Variants in CLNK observed in about 807,000 individuals in gnomAD.
The protein encoded by CLNK is cytokine-dependent hematopoietic cell linker.
A neutral mutation model predicts 68.6 loss-of-function variants in CLNK; 74 were observed. That is an observed-to-expected ratio of 1.08 (90% CI 0.89 to 1.31). The LOEUF is 1.31. CLNK is among the 50% of genes most tolerant of loss of function. The pLI is 0.00. For synonymous variants in CLNK, 198 were observed against 172.2 expected (o/e 1.15, Z -1.17); for missense variants, 553 against 515.3 (o/e 1.07, Z -0.71).
intron 2 of CLNK, among the ~76,000 whole-genome samples, chr4:10,659,270 T>G (rs1283316109): frequency 6.6e-6 from 1 of 152,336 alleles, no homozygotes; most frequent in African/African-American, 2.4e-5. Flanking sequence ...TGCAGCAACC[T>G]GATTCAATTG....
At chr4:10,535,567 A>T (rs1718728275) in intron 11 of CLNK, among the ~76,000 whole-genome samples, 1 of 152,196 alleles carries the variant, frequency 6.6e-6, no homozygotes, top group South Asian at 2.1e-4. Flanking sequence ...ACTCAGGATG[A>T]TTTTATTTGG....
chr4:10,725,705 A>T, the CLNK span, among the ~76,000 whole-genome samples: 1 of 152,000 alleles, frequency 6.6e-6, no homozygotes, highest in African/African-American at 2.4e-5. Context: ...AGTACAAAAA[A>T]TTAGCCGGGC....
rs141723305 is a variant in CLNK, at chr4:10,654,072, T to C, written c.11+13787A>G. Among the ~76,000 whole-genome samples, 4 of 144,434 alleles carry C rather than the reference T, an allele frequency of 2.8e-5. No individual in the cohort carries two copies. In the East Asian group the frequency reaches 1.1e-3, roughly 41 times the overall value. 94.8% of individuals were successfully genotyped at this position (144,434 alleles called of 152,430 possible). A position where few individuals can be genotyped will look rare whatever the true frequency, so the allele number is the denominator to read the frequency against. On this transcript the variant is annotated intron_variant, in intron 2 of 18. Transcript: ENST00000226951. The stretch of plus-strand genomic sequence containing the variant: ...ATAGTCTCTTGTCCAGAATGGAAAA[T>C]TGGGAAATACACTGCAACTCATTTG...
In CLNK at chr4:10,537,678, T is replaced by TCTTC. The variant is rs1179342694; in HGVS notation, c.602+2812_602+2815dup. The stretch of plus-strand genomic sequence containing the variant: ...TTCTTTCTTTCTTTCTTTCTTTCTT[T>TCTTC]CTTCCTTCCTTCCTTCCTTCCTTCC... On this transcript the variant is annotated intron_variant, in intron 11 of 18. Coordinates refer to ENST00000226951, the MANE Select transcript of CLNK (RefSeq NM_052964.4). Among the ~76,000 whole-genome samples the TCTTC allele has an allele frequency of 3.6e-3, 137 of 38,512 alleles. 4 individuals carry two copies. The highest frequency in any genetic ancestry group is 7.5e-3 in the East Asian group (9 of 1,196). The allele number at this position is 38,512 out of a possible 152,430, so 25.3% of individuals were successfully genotyped here. A position where few individuals can be genotyped will look rare whatever the true frequency, so the allele number is the denominator to read the frequency against.
At chr4:10,574,309 T>C (rs1720467983) in intron 4 of CLNK, among the ~76,000 whole-genome samples, 1 of 152,172 alleles carries the variant, frequency 6.6e-6, no homozygotes. Flanking sequence ...CAGGCTACCT[T>C]GAACTCTCTT....
At chr4:10,591,442 T>C (rs951652858) in intron 3 of CLNK, among the ~76,000 whole-genome samples, 2 of 152,198 alleles carry the variant, frequency 1.3e-5, no homozygotes, top group East Asian at 1.9e-4. Flanking sequence ...AGCTCCTAAA[T>C]GGGAGGTCTG....
chr4:10,543,963 G>T (rs189575817), intron 8 of CLNK, among the ~76,000 whole-genome samples: 2 of 152,238 alleles, frequency 1.3e-5, no homozygotes, highest in Admixed American at 1.3e-4. Flanking sequence ...TCACAAAAAA[G>T]CTTAGGCCAC....
intron 1 of CLNK, among the ~76,000 whole-genome samples, chr4:10,669,969 G>A (rs1724565401): frequency 6.6e-6 from 1 of 152,182 alleles, no homozygotes; most frequent in Non-Finnish European, 1.5e-5. Context: ...AATACTGGAA[G>A]GGTCCTGGAC....
Position 10,501,352 on chromosome 4 carries a change from C to T in CLNK, c.1044G>A (p.Leu348=), listed in dbSNP as rs1317134906. 1 of 1,609,772 alleles carries T rather than the reference C, an allele frequency of 6.2e-7. No homozygotes were observed. The highest frequency in any genetic ancestry group is 1.7e-5 in the Admixed American group (1 of 58,472). The change falls in exon 18 of 19, where the codon TTG becomes TTA. Residue 348 remains leucine, a synonymous_variant. Transcript: ENST00000226951. ...STKSKEEPYV[L]AVFYENKVYN... Reference sequence around the variant, plus strand: ...AGACTTTGTTCTCATAAAACACAGCCAAAACATAGGGCTCTTCCTTGGATT... The same window carrying T: ...AGACTTTGTTCTCATAAAACACAGCTAAAACATAGGGCTCTTCCTTGGATT...
chr4:10,536,844 G>T (rs1271648119), intron 11 of CLNK, among the ~76,000 whole-genome samples: 1 of 152,114 alleles, frequency 6.6e-6, no homozygotes, highest in Non-Finnish European at 1.5e-5. Flanking sequence ...TTCTAAAGAT[G>T]TCAACACCAC....
At chr4:10,537,008 G>A (rs1407669308) in intron 11 of CLNK, among the ~76,000 whole-genome samples, 1 of 152,154 alleles carries the variant, frequency 6.6e-6, no homozygotes, top group Non-Finnish European at 1.5e-5. Flanking sequence ...CTCGAACTTG[G>A]TTCCCTCTGG....
At chr4:10,699,659 C>T in the CLNK span, among the ~76,000 whole-genome samples, 2 of 150,952 alleles carry the variant, frequency 1.3e-5, no homozygotes, top group Non-Finnish European at 3.0e-5. Flanking sequence ...ATTACAGCTG[C>T]CTGCCACCAC....
intron 5 of CLNK, among the ~76,000 whole-genome samples, chr4:10,567,347 T>C (rs756675391): frequency 1.6e-4 from 24 of 152,188 alleles, no homozygotes; most frequent in Non-Finnish European, 3.2e-4. Flanking sequence ...GAAAGAATAG[T>C]CTTTCAACAG....
intron 2 of CLNK, among the ~76,000 whole-genome samples, chr4:10,607,286 G>C (rs888789412): frequency 1.3e-5 from 2 of 152,202 alleles, no homozygotes; most frequent in African/African-American, 4.8e-5. Flanking sequence ...TTGCCCCACT[G>C]TGGCATGCTC....
intron 4 of CLNK, among the ~76,000 whole-genome samples, chr4:10,578,162 C>T (rs964202550): frequency 6.6e-6 from 1 of 152,172 alleles, no homozygotes; most frequent in South Asian, 2.1e-4. Flanking sequence ...TGGCTCAGTG[C>T]CCAGTAACAA....
At chr4:10,700,785 G>A in the CLNK span, among the ~76,000 whole-genome samples, 6 of 151,374 alleles carry the variant, frequency 4.0e-5, no homozygotes, top group Admixed American at 6.6e-5. Context: ...TACAATGAAA[G>A]AAACATGGTT....
chr4:10,540,665 C>T, intron 10 of CLNK, 61 bp from the exon 11 acceptor site: 1 of 1,141,140 alleles, frequency 8.8e-7, no homozygotes, highest in Non-Finnish European at 1.3e-6. Context: ...TGCCTCAGGC[C>T]CTGAATCCAC....
chr4:10,667,808 TC>T, intron 2 of CLNK, 50 bp downstream of exon 2: 1 of 1,537,496 alleles, frequency 6.5e-7, no homozygotes, highest in Non-Finnish European at 8.8e-7. Flanking sequence ...ACACCTCCTG[TC>T]CCCACCAAGA....
chr4:10,505,046 C>T (rs997609624), intron 17 of CLNK, among the ~76,000 whole-genome samples: 10 of 152,178 alleles, frequency 6.6e-5, no homozygotes, highest in African/African-American at 2.4e-4. Context: ...ACATGGGCTT[C>T]TGGAAGGAGG....
Sources: allele counts gnomAD v4.1 joint callset (sites outside exome capture counted in the v4.1 genomes callset), GRCh38; gene constraint gnomAD v4.1.1; transcripts MANE v1.5; gene names NCBI Gene and HGNC (gene_info 2026-07-23, HGNC 2026-07-21).